CRPPA: variants seen among roughly 807,000 people sequenced by gnomAD.
CRPPA encodes CDP-L-ribitol pyrophosphorylase A.
CRPPA carries 43 observed loss-of-function variants against 52.0 expected under a neutral mutation model. The observed-to-expected ratio is 0.83, with a 90% confidence interval of 0.65 to 1.07. CRPPA has a LOEUF of 1.07. Ranked by LOEUF, CRPPA falls within the 50% of genes least tolerant of loss-of-function variation. CRPPA has a pLI of 0.00. For synonymous variants in CRPPA, 250 were observed against 203.5 expected (o/e 1.23, Z -1.94); for missense variants, 629 against 551.7 (o/e 1.14, Z -1.40).
chr7:16,382,732 T>A (rs1481290891), intron 2 of CRPPA, among the ~76,000 whole-genome samples: 1 of 152,040 alleles, frequency 6.6e-6, no homozygotes, highest in Non-Finnish European at 1.5e-5. Flanking sequence ...CTGGCTTCAT[T>A]TCATTCATTT....
intron 2 of CRPPA, among the ~76,000 whole-genome samples, chr7:16,400,869 G>A (rs577020422): frequency 1.3e-5 from 2 of 152,198 alleles, no homozygotes; most frequent in South Asian, 2.1e-4. Flanking sequence ...AATTACAAAG[G>A]ATACAACTGC....
intron 8 of CRPPA, among the ~76,000 whole-genome samples, chr7:16,222,549 C>G (rs112733080): frequency 6.6e-6 from 1 of 151,946 alleles, no homozygotes; most frequent in African/African-American, 2.4e-5. Flanking sequence ...TCAACTTAAT[C>G]GTAATTTTTA....
chr7:16,221,805 G>A (rs1453670309), intron 8 of CRPPA, among the ~76,000 whole-genome samples: 1 of 150,236 alleles, frequency 6.7e-6, no homozygotes, highest in East Asian at 2.0e-4. Context: ...AACAGGTGCT[G>A]GAGAGGATGT....
At chr7:16,095,455 A>G (rs1781917570) in intron 9 of CRPPA, among the ~76,000 whole-genome samples, 1 of 152,168 alleles carries the variant, frequency 6.6e-6, no homozygotes, top group African/African-American at 2.4e-5. Flanking sequence ...GTAAATATTC[A>G]ATAATAATAG....
At chr7:16,184,375 T>C (rs1354689640) in intron 9 of CRPPA, among the ~76,000 whole-genome samples, 1 of 152,232 alleles carries the variant, frequency 6.6e-6, no homozygotes, top group African/African-American at 2.4e-5. Flanking sequence ...AATACTCTCA[T>C]ACTGCTTCTT....
Position 16,327,476 on chromosome 7 carries a change from C to T in CRPPA, c.685-18849G>A, listed in dbSNP as rs189306941. Among the ~76,000 whole-genome samples the T allele has an allele frequency of 7.0e-3, 1,065 of 151,952 alleles. 4 individuals carry two copies. The highest frequency in any genetic ancestry group is 0.011 in the Non-Finnish European group (732 of 67,922). ...GGCGCGGTGGCGGGCGCCTGTAGTC[C>T]CAGCTACTCTGGAGGCTGAGGCAGG... On this transcript the variant is annotated intron_variant, in intron 3 of 9. Coordinates refer to ENST00000407010, the MANE Select transcript of CRPPA (RefSeq NM_001101426.4).
At chr7:16,146,224 C>T (rs975515926) in intron 9 of CRPPA, among the ~76,000 whole-genome samples, 1 of 150,936 alleles carries the variant, frequency 6.6e-6, no homozygotes, top group Non-Finnish European at 1.5e-5. Context: ...AAAAAACCTA[C>T]CAACCAAAAA....
chr7:16,232,124 G>C (rs1333296407), intron 8 of CRPPA, among the ~76,000 whole-genome samples: 3 of 152,154 alleles, frequency 2.0e-5, no homozygotes, highest in Non-Finnish European at 4.4e-5. Flanking sequence ...GCACCTATGT[G>C]AGAAAATTAG....
chr7:16,387,507 C>T (rs1323652785), intron 2 of CRPPA, among the ~76,000 whole-genome samples: 1 of 151,824 alleles, frequency 6.6e-6, no homozygotes, highest in African/African-American at 2.4e-5. Context: ...AACTAGCAGA[C>T]AAATCTAATT....
intron 9 of CRPPA, among the ~76,000 whole-genome samples, chr7:16,198,789 G>A (rs1055853128): frequency 2.6e-5 from 4 of 151,022 alleles, no homozygotes; most frequent in African/African-American, 7.3e-5. Flanking sequence ...CTGGGCTCAC[G>A]CAATCCTTCC....
chr7:16,304,315 T>A (rs1859422), intron 4 of CRPPA, among the ~76,000 whole-genome samples: 121,568 of 151,314 alleles, frequency 0.8, 49,514 homozygotes, highest in African/African-American at 0.93. Flanking sequence ...CTGCATGGTG[T>A]GTTGAAAGAA....
At chr7:16,376,884 T>C (rs1209474396) in intron 2 of CRPPA, among the ~76,000 whole-genome samples, 1 of 152,200 alleles carries the variant, frequency 6.6e-6, no homozygotes, top group Non-Finnish European at 1.5e-5. Flanking sequence ...TGACAATTTT[T>C]CCCTTTATCT....
chr7:16,238,547 C>T (rs1562577252), intron 8 of CRPPA, among the ~76,000 whole-genome samples: 1 of 151,712 alleles, frequency 6.6e-6, no homozygotes, highest in African/African-American at 2.4e-5. Context: ...CAATGAAACA[C>T]AAAAATGGAA....
intron 5 of CRPPA, among the ~76,000 whole-genome samples, chr7:16,286,036 A>AAT (rs1784424841): frequency 1.1e-4 from 2 of 18,816 alleles, no homozygotes; most frequent in Non-Finnish European, 2.0e-4. Flanking sequence ...AAAAAAAAAA[A>AAT]AAATATAAAT....
chr7:16,103,680 G>C (rs1156703498), intron 9 of CRPPA, among the ~76,000 whole-genome samples: 1 of 152,076 alleles, frequency 6.6e-6, no homozygotes, highest in African/African-American at 2.4e-5. Context: ...GGGGGATAAG[G>C]GCAGACAATG....
At chr7:16,308,760 T>C in intron 3 of CRPPA, 133 bp from the exon 4 acceptor site, 1 of 625,250 alleles carries the variant, frequency 1.6e-6, no homozygotes, top group Non-Finnish European at 2.9e-6. Flanking sequence ...AGCTACTGAC[T>C]GAGTTATAAC....
chr7:16,193,400 A>G (rs970608514), intron 9 of CRPPA, among the ~76,000 whole-genome samples: 1 of 152,108 alleles, frequency 6.6e-6, no homozygotes, highest in Non-Finnish European at 1.5e-5. Flanking sequence ...TTAGTTAACT[A>G]TGGGACTTTT....
intron 9 of CRPPA, among the ~76,000 whole-genome samples, chr7:16,101,820 T>C (rs1438255351): frequency 3.3e-5 from 5 of 152,046 alleles, no homozygotes; most frequent in Admixed American, 1.3e-4. Flanking sequence ...CACAAACAGA[T>C]GAAAAAACAT....
At chr7:16,136,549 C>A (rs905384802) in intron 9 of CRPPA, among the ~76,000 whole-genome samples, 20 of 152,196 alleles carry the variant, frequency 1.3e-4, no homozygotes, top group African/African-American at 4.1e-4. Flanking sequence ...AGACTGACTT[C>A]AAATACATAG....
Sources: gnomAD v4.1 joint callset for allele counts (sites outside exome capture counted in the v4.1 genomes callset) on GRCh38, gnomAD v4.1.1 for gene constraint, MANE v1.5 for transcripts, NCBI Gene and HGNC (gene_info 2026-07-23, HGNC 2026-07-21) for gene names.